PPP2R5E: variants seen among roughly 807,000 people sequenced by gnomAD.
PPP2R5E encodes the protein protein phosphatase 2 regulatory subunit B'epsilon.
In PPP2R5E, 4 loss-of-function variants were observed where a neutral mutation model predicts 65.3. The ratio of observed to expected loss-of-function variants is 0.06; its 90% confidence interval spans 0.03 to 0.14. PPP2R5E has a LOEUF of 0.14. Among genes scored for constraint, PPP2R5E ranks in the 10% least tolerant of loss-of-function variants. The pLI, the probability that PPP2R5E is intolerant of heterozygous loss-of-function variation, is 1.00. For missense variants in PPP2R5E, 274 were observed against 556.1 expected (o/e 0.49, Z 5.10); for synonymous variants, 183 against 187.4 (o/e 0.98, Z 0.19).
intron 2 of PPP2R5E, among the ~76,000 whole-genome samples, chr14:63,529,871 T>C (rs369703789): frequency 6.6e-6 from 1 of 152,164 alleles, no homozygotes; most frequent in Non-Finnish European, 1.5e-5. Flanking sequence ...ATATCCAGGT[T>C]ACATCCTGGA....
intron 2 of PPP2R5E, among the ~76,000 whole-genome samples, chr14:63,519,368 T>A (rs1391707675): frequency 6.6e-6 from 1 of 151,996 alleles, no homozygotes; most frequent in Non-Finnish European, 1.5e-5. Context: ...TTTTTTCTCT[T>A]GAGACAGAGT....
chr14:63,453,488 T>C, intron 3 of PPP2R5E: 1 of 430,208 alleles, frequency 2.3e-6, no homozygotes, highest in Non-Finnish European at 4.1e-6. Context: ...AGCACTGTCG[T>C]AGTTAAAGTT....
intron 2 of PPP2R5E, among the ~76,000 whole-genome samples, chr14:63,456,242 C>G (rs1049262740): frequency 1.3e-5 from 2 of 152,168 alleles, no homozygotes; most frequent in South Asian, 2.1e-4. Context: ...TGTAGTCTTT[C>G]CTCCTAAAGT....
chr14:63,470,927 C>T (rs17101225), intron 2 of PPP2R5E, among the ~76,000 whole-genome samples: 2,589 of 152,102 alleles, frequency 0.017, 74 homozygotes, highest in African/African-American at 0.059. Flanking sequence ...ATTAATGCAC[C>T]CTGATATTAC....
chr14:63,526,463 A>G (rs1278819740), intron 2 of PPP2R5E, among the ~76,000 whole-genome samples: 1 of 152,194 alleles, frequency 6.6e-6, no homozygotes, highest in Non-Finnish European at 1.5e-5. Context: ...TTACAAAAAC[A>G]TTTGAAGATC....
At chr14:63,426,953 C>T (rs1887375221) in intron 3 of PPP2R5E, among the ~76,000 whole-genome samples, 2 of 152,078 alleles carry the variant, frequency 1.3e-5, no homozygotes, top group Admixed American at 1.3e-4. Flanking sequence ...GGGAAAAGGC[C>T]AGTTGCCTTC....
At chr14:63,420,242 G>A (rs1886929511) in intron 4 of PPP2R5E, among the ~76,000 whole-genome samples, 1 of 152,138 alleles carries the variant, frequency 6.6e-6, no homozygotes, top group African/African-American at 2.4e-5. Flanking sequence ...CTACTGAGGA[G>A]ATCGTCTTTT....
At chr14:63,483,706 G>A (rs1039612629) in intron 2 of PPP2R5E, among the ~76,000 whole-genome samples, 6 of 152,144 alleles carry the variant, frequency 3.9e-5, no homozygotes, top group African/African-American at 1.4e-4. Flanking sequence ...CCACGCTAGA[G>A]ACAGAGACGT....
chr14:63,503,343 A>G (rs1345065850), intron 2 of PPP2R5E, among the ~76,000 whole-genome samples: 1 of 152,158 alleles, frequency 6.6e-6, no homozygotes, highest in African/African-American at 2.4e-5. Flanking sequence ...TGGGGTGTGG[A>G]GTGACAGGCA....
At chr14:63,392,110 G>T in intron 8 of PPP2R5E, 85 bp from the exon 9 acceptor site, 1 of 1,004,910 alleles carries the variant, frequency 1.0e-6, no homozygotes, top group Non-Finnish European at 1.4e-6. Flanking sequence ...CTTCCTAAAA[G>T]GTTTCCAGAC....
At chr14:63,444,226 G>A (rs1888370308) in intron 3 of PPP2R5E, among the ~76,000 whole-genome samples, 1 of 152,152 alleles carries the variant, frequency 6.6e-6, no homozygotes, top group African/African-American at 2.4e-5. Flanking sequence ...TATAACATGT[G>A]GTTTGGGAAT....
chr14:63,522,134 C>T (rs995188115), intron 2 of PPP2R5E, among the ~76,000 whole-genome samples: 10 of 151,888 alleles, frequency 6.6e-5, no homozygotes, highest in African/African-American at 2.4e-4. Context: ...TTGGTGGAGA[C>T]GGGGTTTCGC....
intron 8 of PPP2R5E, among the ~76,000 whole-genome samples, chr14:63,392,574 T>TA (rs1343552428): frequency 6.6e-6 from 1 of 152,210 alleles, no homozygotes; most frequent in Non-Finnish European, 1.5e-5. Context: ...CTAACACATC[T>TA]AAGTAAGATT....
chr14:63,409,219 C>CAAG (rs1050865854), intron 5 of PPP2R5E, among the ~76,000 whole-genome samples: 5 of 151,982 alleles, frequency 3.3e-5, no homozygotes, highest in African/African-American at 1.2e-4. Flanking sequence ...GGTGACAGAG[C>CAAG]AAGACTCTGT....
chr14:63,384,992 G>A (rs944568570), intron 11 of PPP2R5E, among the ~76,000 whole-genome samples: 1 of 151,860 alleles, frequency 6.6e-6, no homozygotes, highest in Non-Finnish European at 1.5e-5. Flanking sequence ...ACCGTGCCTG[G>A]CCCACATTTT....
intron 2 of PPP2R5E, among the ~76,000 whole-genome samples, chr14:63,498,973 G>A (rs1436867312): frequency 6.6e-6 from 1 of 151,992 alleles, no homozygotes; most frequent in Non-Finnish European, 1.5e-5. Context: ...TGTGTGTCAG[G>A]TACCAATGTT....
intron 3 of PPP2R5E, chr14:63,451,157 A>T (rs555760960): frequency 6.6e-6 from 1 of 152,196 alleles, no homozygotes; most frequent in East Asian, 1.9e-4. Flanking sequence ...ATGCAAATTA[A>T]AAAAAAACTA....
chr14:63,482,573 G>A (rs1890767299), intron 2 of PPP2R5E, among the ~76,000 whole-genome samples: 1 of 152,266 alleles, frequency 6.6e-6, no homozygotes, highest in Admixed American at 6.5e-5. Flanking sequence ...TTATTTAGTT[G>A]TTGGGGTTTG....
intron 2 of PPP2R5E, among the ~76,000 whole-genome samples, chr14:63,492,719 T>C (rs1476973189): frequency 1.3e-5 from 2 of 152,122 alleles, no homozygotes; most frequent in African/African-American, 4.8e-5. Flanking sequence ...ATCAAGTGTT[T>C]TGTTTTTGTT....
Sources: gnomAD v4.1 joint callset for allele counts (sites outside exome capture counted in the v4.1 genomes callset) on GRCh38, gnomAD v4.1.1 for gene constraint, MANE v1.5 for transcripts, NCBI Gene and HGNC (gene_info 2026-07-23, HGNC 2026-07-21) for gene names.